PLCL1: variants seen among roughly 807,000 people sequenced by gnomAD.
PLCL1 encodes the protein phospholipase C like 1 (inactive), also known as inactive phospholipase C-like protein 1.
Under a neutral mutation model 84.4 loss-of-function variants are expected in PLCL1, and 41 were observed. That is an observed-to-expected ratio of 0.49 (90% confidence interval 0.38 to 0.63). PLCL1 has a LOEUF of 0.63. PLCL1 is among the 30% of genes least tolerant of loss of function. PLCL1 has a pLI of 0.00. For missense variants in PLCL1, 1,206 were observed against 1,367.8 expected (o/e 0.88, Z 1.87); for synonymous variants, 490 against 488.3 (o/e 1.00, Z -0.05).
chr2:198,144,974 G>A (rs1205218962), intron 5 of PLCL1, among the ~76,000 whole-genome samples: 5 of 152,154 alleles, frequency 3.3e-5, no homozygotes, highest in African/African-American at 4.8e-5. Flanking sequence ...TTTGGGAAGG[G>A]TGACTGTGCT....
intron 1 of PLCL1, among the ~76,000 whole-genome samples, chr2:197,897,159 CT>C (rs1688156706): frequency 2.2e-4 from 7 of 31,592 alleles, no homozygotes; most frequent in African/African-American, 1.2e-3. Context: ...TCTTCTTCTT[CT>C]TCTTCTTCTT....
intron 4 of PLCL1, among the ~76,000 whole-genome samples, 153 bp from the exon 5 acceptor site, chr2:198,103,674 T>C (rs929421122): frequency 2.0e-5 from 3 of 152,136 alleles, no homozygotes; most frequent in Middle Eastern, 3.4e-3. Context: ...CTTGGTGGGA[T>C]GAACAGAATG....
At chr2:197,971,176 T>C (rs1198544894) in intron 1 of PLCL1, among the ~76,000 whole-genome samples, 2 of 152,228 alleles carry the variant, frequency 1.3e-5, no homozygotes, top group African/African-American at 4.8e-5. Flanking sequence ...AGGATATTTA[T>C]TAAATTAGGC....
At chr2:197,909,710 G>A (rs145840222) in intron 1 of PLCL1, among the ~76,000 whole-genome samples, 28 of 152,282 alleles carry the variant, frequency 1.8e-4, no homozygotes, top group African/African-American at 5.8e-4. Flanking sequence ...TCTGGAGAGT[G>A]GAGTTCTCTA....
chr2:197,851,627 A>T (rs2105682714), intron 1 of PLCL1, among the ~76,000 whole-genome samples: 1 of 152,350 alleles, frequency 6.6e-6, no homozygotes, highest in Admixed American at 6.5e-5. Context: ...GAACTGGGGA[A>T]AGTAGTGAAA....
At chr2:197,996,829 GTA>G (rs1559068685) in intron 1 of PLCL1, among the ~76,000 whole-genome samples, 1 of 152,126 alleles carries the variant, frequency 6.6e-6, no homozygotes, top group Admixed American at 6.5e-5. Context: ...AAATTTACTA[GTA>G]AAGCAACCCA....
At chr2:198,000,375 G>T (rs945348963) in intron 1 of PLCL1, among the ~76,000 whole-genome samples, 1 of 152,124 alleles carries the variant, frequency 6.6e-6, no homozygotes, top group Non-Finnish European at 1.5e-5. Flanking sequence ...GGGTACAAAT[G>T]ATCTTGCCAC....
At chr2:197,986,942 G>A (rs944285147) in intron 1 of PLCL1, among the ~76,000 whole-genome samples, 2 of 152,170 alleles carry the variant, frequency 1.3e-5, no homozygotes, top group South Asian at 2.1e-4. Context: ...ACAACTTCAG[G>A]TTCTACGAAG....
chr2:198,146,922 T>C lies in PLCL1; in HGVS notation c.3248T>C (p.Ile1083Thr), dbSNP rs1490846670. ...EAKSKRSLEAIEEKESSEENG... is the reference protein window; with the variant it reads ...EAKSKRSLEATEEKESSEENG... ...AAGAGCAAGCGCAGCCTGGAAGCCA[T>C]AGAGGAGAAGGAAAGTAGTGAGGAG... Residue 1083 changes from isoleucine to threonine, a missense_variant, in exon 6 of 6, where the codon ATA becomes ACA. Coordinates refer to ENST00000428675, the MANE Select transcript of PLCL1 (RefSeq NM_006226.4). 1.2e-6 allele frequency: 2 copies of C among 1,612,402 alleles called. No homozygotes were observed. Among genetic ancestry groups the C allele is most frequent in the Non-Finnish European group, 1.7e-6 (2 of 1,179,092 alleles).
intron 1 of PLCL1, among the ~76,000 whole-genome samples, chr2:198,049,551 A>G (rs145299460): frequency 1.8e-4 from 28 of 152,296 alleles, no homozygotes; most frequent in African/African-American, 6.7e-4. Context: ...GATTTTCAAT[A>G]TAGCTTAACC....
chr2:197,910,546 C>T (rs890488363), intron 1 of PLCL1, among the ~76,000 whole-genome samples: 2 of 152,196 alleles, frequency 1.3e-5, no homozygotes, highest in African/African-American at 4.8e-5. Flanking sequence ...GGGTGAGAAA[C>T]TCTGTTTCTT....
At chr2:198,056,458 C>T (rs1199694979) in intron 1 of PLCL1, among the ~76,000 whole-genome samples, 2 of 152,162 alleles carry the variant, frequency 1.3e-5, no homozygotes, top group African/African-American at 4.8e-5. Flanking sequence ...TACATTTAAG[C>T]TATCTCTCCT....
intron 1 of PLCL1, among the ~76,000 whole-genome samples, chr2:197,929,547 C>T (rs915429709): frequency 2.0e-5 from 3 of 152,116 alleles, no homozygotes; most frequent in Non-Finnish European, 2.9e-5. Context: ...GAATTCCTTC[C>T]TTTTCTCTTG....
At chr2:197,891,226 C>A (rs1314765049) in intron 1 of PLCL1, among the ~76,000 whole-genome samples, 1 of 152,080 alleles carries the variant, frequency 6.6e-6, no homozygotes, top group Admixed American at 6.6e-5. Context: ...AGGTGGACAA[C>A]AACAGAGCCA....
At chr2:198,037,485 A>G (rs1319122076) in intron 1 of PLCL1, among the ~76,000 whole-genome samples, 1 of 152,172 alleles carries the variant, frequency 6.6e-6, no homozygotes, top group African/African-American at 2.4e-5. Flanking sequence ...CCTTTTTTCC[A>G]TCGCACTCTT....
At chr2:197,831,282 T>G (rs776493433) in intron 1 of PLCL1, among the ~76,000 whole-genome samples, 1 of 151,876 alleles carries the variant, frequency 6.6e-6, no homozygotes, top group African/African-American at 2.4e-5. Flanking sequence ...CCATCTCACA[T>G]GCAAAGACGC....
At chr2:198,067,911 C>T (rs1692357857) in intron 1 of PLCL1, among the ~76,000 whole-genome samples, 1 of 152,180 alleles carries the variant, frequency 6.6e-6, no homozygotes, top group Non-Finnish European at 1.5e-5. Context: ...TAATAATGAA[C>T]ACAGTCATTC....
intron 1 of PLCL1, among the ~76,000 whole-genome samples, chr2:197,992,595 AT>A (rs1462481345): frequency 6.6e-6 from 1 of 152,086 alleles, no homozygotes; most frequent in Non-Finnish European, 1.5e-5. Flanking sequence ...TAATTGTGTG[AT>A]TTTAAGTGTA....
rs549880468 is a variant in PLCL1 at position 198,106,816 on chromosome 2, T to A, written c.3105+2880T>A. On this transcript the variant is annotated intron_variant, in intron 5 of 5. Coordinates refer to ENST00000428675, the MANE Select transcript of PLCL1 (RefSeq NM_006226.4). Reference sequence around the variant, plus strand: ...TTGCAACATGACATGCTGACTCTGATAGGACTCTCTCCATCTCACAAATGA... The same window carrying A: ...TTGCAACATGACATGCTGACTCTGAAAGGACTCTCTCCATCTCACAAATGA... 2.2e-4 allele frequency among the ~76,000 whole-genome samples: 34 copies of A among 152,002 alleles called. 1 individual carries two copies. The South Asian group carries it at 7.0e-3, about 31-fold the overall frequency.
Sources: gnomAD v4.1 joint callset for allele counts (sites outside exome capture counted in the v4.1 genomes callset) on GRCh38, gnomAD v4.1.1 for gene constraint, MANE v1.5 for transcripts, NCBI Gene and HGNC (gene_info 2026-07-23, HGNC 2026-07-21) for gene names.